The following CNKSR2 variants were observed in gnomAD, a reference collection of about 807,000 sequenced individuals.
CNKSR2 encodes CNK homolog protein 2.
CNKSR2 carries 14 observed loss-of-function variants against 84.4 expected under a neutral mutation model. That is an observed-to-expected ratio of 0.17 (90% confidence interval 0.11 to 0.26). The LOEUF (loss-of-function observed/expected upper bound fraction) is 0.26, where lower values mean the gene tolerates loss of function less well. CNKSR2 is among the 10% of genes least tolerant of loss of function. The pLI, the probability that CNKSR2 is intolerant of heterozygous loss-of-function variation, is 1.00. For missense variants in CNKSR2, 485 were observed against 771.2 expected, an observed-to-expected ratio of 0.63 and a Z score of 4.40; for synonymous variants, 275 against 277.9, an observed-to-expected ratio of 0.99 and a Z score of 0.10.
chrX:21,573,305 G>C (rs1426479170), intron 13 of CNKSR2, among the ~76,000 whole-genome samples: 1 of 112,133 alleles, frequency 8.9e-6, no homozygotes, highest in Admixed American at 9.4e-5. Context: ...CAGGAGCACA[G>C]TGCAAGCTGT....
intron 5 of CNKSR2, among the ~76,000 whole-genome samples, chrX:21,471,713 T>A (rs2091200251): frequency 8.9e-6 from 1 of 111,884 alleles, no homozygotes; most frequent in Admixed American, 9.5e-5. Flanking sequence ...GAAATGATAC[T>A]GAATAATCCT....
chrX:21,564,891 A>G (rs183614917), intron 13 of CNKSR2, among the ~76,000 whole-genome samples: 60 of 111,163 alleles, frequency 5.4e-4, no homozygotes, highest in African/African-American at 1.8e-3. Flanking sequence ...TAAATGACTG[A>G]TCGATTGAAT....
intron 1 of CNKSR2, among the ~76,000 whole-genome samples, chrX:21,416,236 T>C (rs1014659820): frequency 3.6e-5 from 4 of 112,165 alleles, no homozygotes; most frequent in Non-Finnish European, 7.5e-5. Context: ...AGATACGATG[T>C]ACCACATTGA....
In CNKSR2 at chrX:21,374,594, G is replaced by GGAA; in HGVS notation, c.-303_-302insAAG. On this transcript the variant is annotated 5_prime_UTR_variant, in exon 1 of 22. Transcript: ENST00000379510. Reference sequence around the variant, plus strand: ...ACGGAGACCGGAGCGGAGCGGCGGAGGCAGCAGCAGCAGCAGCAGCAGCAG... The same window carrying GGAA: ...ACGGAGACCGGAGCGGAGCGGCGGAGGAAGCAGCAGCAGCAGCAGCAGCAGCAG... The GGAA allele has an allele frequency of 2.2e-6, 1 of 459,618 alleles. No homozygotes were observed. Among genetic ancestry groups the GGAA allele is most frequent in the Non-Finnish European group, 3.8e-6 (1 of 259,805 alleles). The allele number at this position is 459,618 out of a possible 1,213,427, so 37.9% of individuals were successfully genotyped here.
intron 20 of CNKSR2, among the ~76,000 whole-genome samples, chrX:21,629,277 A>G (rs1291290021): frequency 1.8e-5 from 2 of 111,285 alleles, no homozygotes; most frequent in African/African-American, 6.5e-5. Flanking sequence ...ACTTCCCCAC[A>G]TTTTCCTGTC....
chrX:21,411,093 A>G lies in CNKSR2; in HGVS notation c.65-15404A>G, dbSNP rs780372661. On this transcript the variant is annotated intron_variant, in intron 1 of 21. Transcript: ENST00000379510. ...ATAAGATGCATATGTCTGAATTAAT[A>G]TGATCGGCTGTAACTTCTAATGGCA... Among the ~76,000 whole-genome samples the G allele has an allele frequency of 2.7e-5, 3 of 111,453 alleles. No homozygotes were observed. The East Asian group carries it at 8.5e-4, about 31-fold the overall frequency.
At chrX:21,538,417 C>CT (rs2091948931) in intron 11 of CNKSR2, 1 of 111,570 alleles carries the variant, frequency 9.0e-6, no homozygotes, top group Admixed American at 9.5e-5. Flanking sequence ...TTGGAGAAGA[C>CT]TTTTTTGGGT....
At chrX:21,512,947 A>G (rs1248418318) in intron 8 of CNKSR2, among the ~76,000 whole-genome samples, 1 of 111,920 alleles carries the variant, frequency 8.9e-6, no homozygotes, top group Non-Finnish European at 1.9e-5. Context: ...CGAGAAAACA[A>G]TCTCTTTTTG....
intron 13 of CNKSR2, among the ~76,000 whole-genome samples, chrX:21,585,918 C>T (rs2092384582): frequency 9.0e-6 from 1 of 111,473 alleles, no homozygotes. Flanking sequence ...AAGAGAAATC[C>T]ATTTTTGGTG....
intron 13 of CNKSR2, among the ~76,000 whole-genome samples, chrX:21,585,772 G>T (rs935733323): frequency 9.0e-6 from 1 of 111,093 alleles, no homozygotes. Flanking sequence ...TAGAAAGTTC[G>T]AAGAACTTTC....
chrX:21,635,563 T>C (rs999711080), intron 20 of CNKSR2, among the ~76,000 whole-genome samples: 1 of 107,987 alleles, frequency 9.3e-6, no homozygotes, highest in Admixed American at 1.0e-4. Flanking sequence ...TATATATGTA[T>C]ATATGTATAT....
At chrX:21,445,920 T>G (rs2090848681) in intron 4 of CNKSR2, among the ~76,000 whole-genome samples, 1 of 111,700 alleles carries the variant, frequency 9.0e-6, no homozygotes, top group Non-Finnish European at 1.9e-5. Flanking sequence ...GAGATGCTGA[T>G]ATCTCTTGGA....
rs2092726415 is a variant in CNKSR2, at chrX:21,653,976, T to G, written c.*1455T>G. On this transcript the variant is annotated 3_prime_UTR_variant, in exon 22 of 22. Coordinates refer to ENST00000379510, the MANE Select transcript of CNKSR2 (RefSeq NM_014927.5). ...TATATGCCAGTGAATATTTTTGCTG[T>G]AGAGGAGAAAGTAAAAACTCCACAG... 9.0e-6 allele frequency: 1 copy of G among 111,489 alleles called. No homozygotes were observed. The highest frequency in any genetic ancestry group is 3.7e-4 in the South Asian group (1 of 2,677). The allele number at this position is 111,489 out of a possible 1,213,427, so 9.2% of individuals were successfully genotyped here. A position where few individuals can be genotyped will look rare whatever the true frequency, so the allele number is the denominator to read the frequency against.
chrX:21,471,098 T>G (rs2147144074), intron 5 of CNKSR2, among the ~76,000 whole-genome samples: 1 of 111,996 alleles, frequency 8.9e-6, no homozygotes, highest in South Asian at 3.7e-4. Flanking sequence ...GAATTTCTTT[T>G]ACTGTTCATC....
intron 1 of CNKSR2, among the ~76,000 whole-genome samples, chrX:21,404,495 G>T (rs765152182): frequency 9.1e-6 from 1 of 110,412 alleles, no homozygotes; most frequent in Non-Finnish European, 1.9e-5. Context: ...AAAAAAATGT[G>T]CAGTATATTC....
chrX:21,483,129 C>T (rs1601846669), intron 5 of CNKSR2, among the ~76,000 whole-genome samples: 1 of 111,472 alleles, frequency 9.0e-6, no homozygotes, highest in African/African-American at 3.3e-5. Flanking sequence ...ATGTTTATTA[C>T]GGCATTACTC....
At chrX:21,582,227 A>G (rs1601978585) in intron 13 of CNKSR2, among the ~76,000 whole-genome samples, 1 of 112,317 alleles carries the variant, frequency 8.9e-6, no homozygotes, top group Admixed American at 9.5e-5. Context: ...ACAGAGCAAT[A>G]TAACTTGCTA....
intron 1 of CNKSR2, among the ~76,000 whole-genome samples, chrX:21,393,324 G>A (rs1293743334): frequency 8.9e-6 from 1 of 112,090 alleles, no homozygotes; most frequent in African/African-American, 3.2e-5. Context: ...GGGAATGAAG[G>A]ACAGGTTGTT....
chrX:21,603,773 G>A (rs1436306256), intron 18 of CNKSR2, among the ~76,000 whole-genome samples: 1 of 111,507 alleles, frequency 9.0e-6, no homozygotes, highest in African/African-American at 3.3e-5. Flanking sequence ...CACACATAAG[G>A]TCTTTTTAAA....
Sources: allele counts gnomAD v4.1 joint callset (sites outside exome capture counted in the v4.1 genomes callset), GRCh38; gene constraint gnomAD v4.1.1; transcripts MANE v1.5; gene names NCBI Gene and HGNC (gene_info 2026-07-23, HGNC 2026-07-21).